CLEC9A: variants seen among roughly 807,000 people sequenced by gnomAD.
CLEC9A encodes C-type lectin domain containing 9A.
A neutral mutation model predicts 30.0 loss-of-function variants in CLEC9A; 24 were observed. That is an observed-to-expected ratio of 0.80 (90% CI 0.58 to 1.13). The LOEUF (loss-of-function observed/expected upper bound fraction) is 1.13, where lower values mean the gene tolerates loss of function less well. Among genes scored for constraint, CLEC9A ranks in the 50% most tolerant of loss-of-function variants. CLEC9A has a pLI of 0.00. For missense variants in CLEC9A, 251 were observed against 280.9 expected (o/e 0.89, Z 0.76); for synonymous variants, 111 against 96.8 (o/e 1.15, Z -0.86).
At chr12:10,054,125 T>C (rs1476236494) in intron 4 of CLEC9A, 146 bp from the exon 5 acceptor site, 10 of 653,538 alleles carry the variant, frequency 1.5e-5, no homozygotes, top group Non-Finnish European at 2.7e-5. Flanking sequence ...TCTTTTTCCT[T>C]TTCTTTTACA....
chr12:10,052,418 C>A, intron 3 of CLEC9A: 2 of 911,250 alleles, frequency 2.2e-6, no homozygotes, highest in African/African-American at 1.7e-5. Context: ...TTTTGGAAAC[C>A]GGATAAAAAA....
At chr12:10,060,823 C>G in intron 5 of CLEC9A, 1 of 251,748 alleles carries the variant, frequency 4.0e-6, no homozygotes, top group Non-Finnish European at 7.6e-6. Flanking sequence ...TGTAAAGTTT[C>G]TTTTTGTTTT....
At chr12:10,054,225 A>G (rs371063570) in intron 4 of CLEC9A, 46 bp from the exon 5 acceptor site, 3 of 1,471,724 alleles carry the variant, frequency 2.0e-6, no homozygotes, top group East Asian at 2.3e-5. Flanking sequence ...CGTCTTTTTT[A>G]TCTGCTTTCT....
chr12:10,065,843 T>C lies in CLEC9A; in HGVS notation c.*211T>C. The C allele has an allele frequency of 2.0e-6, 1 of 495,598 alleles. No individual in the cohort carries two copies. Among genetic ancestry groups the C allele is most frequent in the Non-Finnish European group, 3.5e-6 (1 of 281,706 alleles). 30.7% of individuals were successfully genotyped at this position (495,598 alleles called of 1,614,324 possible). A position where few individuals can be genotyped will look rare whatever the true frequency, so the allele number is the denominator to read the frequency against. Reference sequence around the variant, plus strand: ...GTTCACATTGCAAGAGTAAAACTTATTTAGAGCTACAGAAGACAAAACCCT... The same window carrying C: ...GTTCACATTGCAAGAGTAAAACTTACTTAGAGCTACAGAAGACAAAACCCT... On this transcript the variant is annotated 3_prime_UTR_variant, in exon 9 of 9. Transcript: ENST00000355819.
At chr12:10,057,646 T>A (rs1865954868) in intron 5 of CLEC9A, among the ~76,000 whole-genome samples, 1 of 152,048 alleles carries the variant, frequency 6.6e-6, no homozygotes, top group East Asian at 1.9e-4. Flanking sequence ...GACATTTATA[T>A]AAAAATATGG....
intron 5 of CLEC9A, among the ~76,000 whole-genome samples, chr12:10,057,282 A>G (rs1440723803): frequency 2.6e-5 from 4 of 151,954 alleles, no homozygotes; most frequent in East Asian, 3.8e-4. Flanking sequence ...GTTACATCCA[A>G]TTTTCTTTAT....
chr12:10,053,668 G>A (rs1865914842), intron 4 of CLEC9A, among the ~76,000 whole-genome samples: 1 of 152,066 alleles, frequency 6.6e-6, no homozygotes, highest in South Asian at 2.1e-4. Context: ...GCATTTCTCT[G>A]CCTATCACAA....
At chr12:10,043,489 T>C (rs7297150) in intron 2 of CLEC9A, among the ~76,000 whole-genome samples, 83,835 of 151,688 alleles carry the variant, frequency 0.55, 24,850 homozygotes, top group Middle Eastern at 0.75. Context: ...AAGAGAGCAC[T>C]GGTCATAAGA....
chr12:10,034,293 G>A (rs1261855035), intron 1 of CLEC9A, among the ~76,000 whole-genome samples: 1 of 152,102 alleles, frequency 6.6e-6, no homozygotes, highest in Non-Finnish European at 1.5e-5. Context: ...AAGTAAGTTT[G>A]GATTATTCTG....
chr12:10,060,572 GTA>G (rs1865987782), intron 5 of CLEC9A: 1 of 152,474 alleles, frequency 6.6e-6, no homozygotes, highest in African/African-American at 2.4e-5. Flanking sequence ...GGAAGTGGGT[GTA>G]CTTATAAAAG....
chr12:10,055,783 G>GT (rs931595146), intron 5 of CLEC9A, among the ~76,000 whole-genome samples: 1 of 151,966 alleles, frequency 6.6e-6, no homozygotes, highest in African/African-American at 2.4e-5. Flanking sequence ...TAGGCCAGGC[G>GT]TGGTGGCTCA....
intron 6 of CLEC9A, among the ~76,000 whole-genome samples, chr12:10,061,551 C>CA (rs1045964447): frequency 9.3e-5 from 14 of 150,676 alleles, no homozygotes; most frequent in South Asian, 4.2e-4. Flanking sequence ...AATACATGCA[C>CA]AAAAAAAAAT....
intron 2 of CLEC9A, among the ~76,000 whole-genome samples, chr12:10,046,739 G>T (rs1865849965): frequency 6.6e-6 from 1 of 152,148 alleles, no homozygotes; most frequent in South Asian, 2.1e-4. Flanking sequence ...TAGTGGGAAG[G>T]CTGAGGACAC....
intron 2 of CLEC9A, among the ~76,000 whole-genome samples, chr12:10,042,982 C>T (rs969189177): frequency 6.6e-6 from 1 of 152,174 alleles, no homozygotes; most frequent in African/African-American, 2.4e-5. Context: ...CACATAGGAA[C>T]ATTAGAATTT....
At chr12:10,035,150 G>A (rs1403943595) in intron 1 of CLEC9A, among the ~76,000 whole-genome samples, 1 of 152,198 alleles carries the variant, frequency 6.6e-6, no homozygotes, top group Non-Finnish European at 1.5e-5. Flanking sequence ...TTGACGTCCA[G>A]CCACTTATGT....
chr12:10,063,402 A>G (rs1379631092), intron 7 of CLEC9A, among the ~76,000 whole-genome samples, 196 bp downstream of exon 7: 1 of 152,218 alleles, frequency 6.6e-6, no homozygotes, highest in South Asian at 2.1e-4. Flanking sequence ...TAAAAACAGG[A>G]TGGTTTTCTG....
At chr12:10,043,670 GTATATA>G (rs60284724) in intron 2 of CLEC9A, among the ~76,000 whole-genome samples, 7 of 146,126 alleles carry the variant, frequency 4.8e-5, no homozygotes, top group African/African-American at 1.0e-4. Context: ...GCATATATAT[GTATATA>G]TATATATATA....
chr12:10,036,513 A>G (rs1008760207), intron 1 of CLEC9A, among the ~76,000 whole-genome samples: 10 of 152,182 alleles, frequency 6.6e-5, no homozygotes, highest in Admixed American at 6.5e-4. Flanking sequence ...ATTACAAAAT[A>G]CTTCTTTTGT....
chr12:10,043,336 T>C (rs1447011467), intron 2 of CLEC9A: 3 of 192,024 alleles, frequency 1.6e-5, no homozygotes, highest in Non-Finnish European at 3.2e-5. Flanking sequence ...TCCCCGACAC[T>C]CAGAATAGAA....
Sources: allele counts gnomAD v4.1 joint callset (sites outside exome capture counted in the v4.1 genomes callset), GRCh38; gene constraint gnomAD v4.1.1; transcripts MANE v1.5; gene names NCBI Gene and HGNC (gene_info 2026-07-23, HGNC 2026-07-21).